SHOC2: variants seen among roughly 807,000 people sequenced by gnomAD.
SHOC2 encodes the protein SHOC2 leucine rich repeat scaffold protein.
A neutral mutation model predicts 50.2 loss-of-function variants in SHOC2; 4 were observed. The observed-to-expected ratio is 0.08, with a 90% confidence interval of 0.04 to 0.18. The LOEUF (loss-of-function observed/expected upper bound fraction) is 0.18, where lower values mean the gene tolerates loss of function less well. Among genes scored for constraint, SHOC2 ranks in the 10% least tolerant of loss-of-function variants. The probability of loss-of-function intolerance (pLI) is 1.00; values close to 1 mark genes in which losing one functional copy is unlikely to be tolerated. For synonymous variants in SHOC2, 218 were observed against 244.5 expected, an observed-to-expected ratio of 0.89 and a Z score of 1.01; for missense variants, 388 against 669.6, an observed-to-expected ratio of 0.58 and a Z score of 4.64.
At chr10:110,973,492 ATTTTC>A (rs1035888797) in intron 2 of SHOC2, among the ~76,000 whole-genome samples, 2 of 151,582 alleles carry the variant, frequency 1.3e-5, no homozygotes, top group African/African-American at 4.9e-5. Flanking sequence ...CTGTAATTTT[ATTTTC>A]TTTTTTAAAA....
intron 2 of SHOC2, among the ~76,000 whole-genome samples, chr10:110,971,055 A>G (rs1383475749): frequency 1.3e-5 from 2 of 152,088 alleles, no homozygotes; most frequent in Non-Finnish European, 2.9e-5. Context: ...TTAGTTTGAA[A>G]TAATTCCATT....
In SHOC2 at chr10:110,964,889, G is replaced by T; in HGVS notation, c.531G>T (p.Arg177=). The T allele has an allele frequency of 6.2e-7, 1 of 1,613,898 alleles. No homozygotes were observed. Among genetic ancestry groups the T allele is most frequent in the South Asian group, 1.1e-5 (1 of 91,080 alleles). The change falls in exon 2 of 9, where the codon CGG becomes CGT. Residue 177 remains arginine, a synonymous_variant. Transcript: ENST00000369452. The surrounding 1 kb of genome is among the most constrained non-coding windows in gnomAD (Gnocchi z 4.9). ...NLKKLRMLDL[R]HNKLREIPSV... ...AGAAGCTGCGGATGCTTGATTTACG[G>T]CATAATAAACTGAGAGAAATTCCTT...
chr10:110,926,615 T>G (rs917053461), intron 1 of SHOC2, among the ~76,000 whole-genome samples: 1 of 152,224 alleles, frequency 6.6e-6, no homozygotes, highest in Non-Finnish European at 1.5e-5. Context: ...TATAGCAACT[T>G]AATGTTATGA....
chr10:111,011,649 A>T lies in SHOC2; in HGVS notation c.1580A>T (p.Asn527Ile). 1 of 1,613,940 alleles carries T rather than the reference A, an allele frequency of 6.2e-7. No individual in the cohort carries two copies. The highest frequency in any genetic ancestry group is 8.5e-7 in the Non-Finnish European group (1 of 1,179,930). Reference protein sequence around the residue: ...ENLEELYLNDNPNLHSLPFEL... With the variant: ...ENLEELYLNDIPNLHSLPFEL... ...CTAGAAGAACTGTATTTGAATGACA[A>T]CCCCAACCTGCATAGCCTTCCCTTT... Residue 527 changes from asparagine (N) to isoleucine (I), a missense_variant, in exon 9 of 9, where the codon AAC becomes ATC. This residue lies in a region of SHOC2 where 130 missense variants were observed against 208.6 expected (regional missense o/e 0.62). Transcript: ENST00000369452.
At position 111,006,853 on chromosome 10, in the gene SHOC2, G is replaced by A. The variant is rs879283485; in HGVS notation, c.1162-678G>A. Among the ~76,000 whole-genome samples, 4 of 152,140 alleles carry A rather than the reference G, an allele frequency of 2.6e-5. 1 individual carries two copies. The highest frequency in any genetic ancestry group is 5.9e-5 in the Non-Finnish European group (4 of 68,024). ...GTGGTACGAGTTGTTATTGATGAAA[G>A]TATACTTTATAAGTGAATAAAAGTG... On this transcript the variant is annotated intron_variant, in intron 5 of 8. Transcript: ENST00000369452.
chr10:110,940,538 C>G lies in SHOC2; in HGVS notation c.-235+20881C>G, dbSNP rs147897146. Among the ~76,000 whole-genome samples the G allele has an allele frequency of 7.2e-5, 11 of 152,146 alleles. No individual in the cohort carries two copies. The East Asian group carries it at 2.1e-3, about 29-fold the overall frequency. On this transcript the variant is annotated intron_variant, in intron 1 of 8. Transcript: ENST00000369452. ...TTTGCATGTATCATGTATGTAAATT[C>G]AATTATTTATAGTTATACAATTTTA... is the stretch of plus-strand genomic sequence containing the variant.
intron 3 of SHOC2, among the ~76,000 whole-genome samples, chr10:110,988,337 C>T (rs1416800708): frequency 6.6e-6 from 1 of 151,982 alleles, no homozygotes; most frequent in African/African-American, 2.4e-5. Context: ...CAGGACTTTT[C>T]TTTATGGGAA....
At chr10:110,959,046 T>C (rs894608056) in intron 1 of SHOC2, among the ~76,000 whole-genome samples, 7 of 152,152 alleles carry the variant, frequency 4.6e-5, no homozygotes, top group Non-Finnish European at 1.0e-4. Flanking sequence ...TATTGTACAT[T>C]TTATATGTTA....
rs1848421405 is a variant in SHOC2, at chr10:111,003,760, C to T, written c.973-846C>T. Among the ~76,000 whole-genome samples, 4 of 152,184 alleles carry T rather than the reference C, an allele frequency of 2.6e-5. No individual in the cohort carries two copies. In the South Asian group the frequency reaches 8.3e-4, roughly 32 times the overall value. Reference sequence around the variant, plus strand: ...CCCAAGAGTCTGCATTTCTCACGAGCTCCCAGGGGATGCTGATATTGCTCT... The same window carrying T: ...CCCAAGAGTCTGCATTTCTCACGAGTTCCCAGGGGATGCTGATATTGCTCT... On this transcript the variant is annotated intron_variant, in intron 4 of 8. Transcript: ENST00000369452.
rs113779015 is a variant in SHOC2, at chr10:111,007,938, T to C, written c.1284+285T>C. ...TCTGTAAAAGCATCTTTTAGAACAA[T>C]TTTTTTCTTTATTCTGTTTAAAAAC... is the stretch of plus-strand genomic sequence containing the variant. On this transcript the variant is annotated intron_variant, in intron 6 of 8. Coordinates refer to ENST00000369452, the MANE Select transcript of SHOC2 (RefSeq NM_007373.4). 2.8e-3 allele frequency among the ~76,000 whole-genome samples: 431 copies of C among 151,916 alleles called. 2 individuals carry two copies. The highest frequency in any genetic ancestry group is 9.2e-3 in the African/African-American group (382 of 41,454).
intron 3 of SHOC2, among the ~76,000 whole-genome samples, chr10:110,999,457 G>C (rs1399900368): frequency 6.6e-6 from 1 of 152,120 alleles, no homozygotes; most frequent in Non-Finnish European, 1.5e-5. Flanking sequence ...AAAATGCTCA[G>C]CTGGGCGCAG....
At position 111,011,593 on chromosome 10, in the gene SHOC2, A is replaced by ATTT; in HGVS notation, c.1541-9_1541-7dup. 6.5e-7 allele frequency: 1 copy of ATTT among 1,539,122 alleles called. No individual in the cohort carries two copies. Among genetic ancestry groups the ATTT allele is most frequent in the Non-Finnish European group, 8.9e-7 (1 of 1,117,624 alleles). ...GCAACTAATTTTTAAAAAAAAATTG[A>ATTT]TTTTTTTTTTAAACAGGTACACTGG... On this transcript the variant is annotated splice_polypyrimidine_tract_variant and intron_variant, in intron 8 of 8. Transcript: ENST00000369452.
intron 2 of SHOC2, 90 bp downstream of exon 2, chr10:110,965,151 G>GC: frequency 1.8e-6 from 2 of 1,114,480 alleles, no homozygotes; most frequent in Non-Finnish European, 2.7e-6. Flanking sequence ...CCTGATACTT[G>GC]CCTAAAAACA....
Position 110,919,666 on chromosome 10 carries a change from G to T in SHOC2, c.-235+9G>T. The stretch of plus-strand genomic sequence containing the variant: ...AGTCGGGGCTCCTGACGGTAACTCG[G>T]GGCCGATGAGGCGGAGGGTGTCTGT... On this transcript the variant is annotated intron_variant, in intron 1 of 8. Transcript: ENST00000369452. 2.5e-6 allele frequency: 1 copy of T among 398,844 alleles called. No individual in the cohort carries two copies. Among genetic ancestry groups the T allele is most frequent in the East Asian group, 3.6e-5 (1 of 28,044 alleles). 24.7% of individuals were successfully genotyped at this position (398,844 alleles called of 1,614,324 possible).
At chr10:110,923,804 C>G (rs1408667091) in intron 1 of SHOC2, among the ~76,000 whole-genome samples, 2 of 152,160 alleles carry the variant, frequency 1.3e-5, no homozygotes, top group African/African-American at 2.4e-5. Context: ...GCATGACTAT[C>G]TTTTGTTGAT....
At chr10:110,975,366 T>C (rs1464396294) in intron 2 of SHOC2, among the ~76,000 whole-genome samples, 4 of 152,020 alleles carry the variant, frequency 2.6e-5, no homozygotes, top group African/African-American at 9.7e-5. Flanking sequence ...CGTGTCTCGA[T>C]CTCCTGACCT....
chr10:110,980,845 A>G (rs1847963285), intron 2 of SHOC2, among the ~76,000 whole-genome samples: 2 of 148,490 alleles, frequency 1.3e-5, no homozygotes, highest in Non-Finnish European at 3.0e-5. Context: ...TCCTTTCCTT[A>G]TGTGTTTTCT....
At position 110,962,394 on chromosome 10, in the gene SHOC2, C is replaced by G. The variant is rs1338728325; in HGVS notation, c.-234-1731C>G. On this transcript the variant is annotated intron_variant, in intron 1 of 8. Transcript: ENST00000369452. ...TAAATGTACTTTCATATTGGCTTAT[C>G]AGCATTATTTTCTGAATCAGTATCT... 5.3e-5 allele frequency among the ~76,000 whole-genome samples: 8 copies of G among 152,220 alleles called. No individual in the cohort carries two copies. The East Asian group carries it at 1.5e-3, about 29-fold the overall frequency.
intron 6 of SHOC2, among the ~76,000 whole-genome samples, 171 bp from the exon 7 acceptor site, chr10:111,009,077 G>C (rs144226053): frequency 6.6e-6 from 1 of 151,846 alleles, no homozygotes; most frequent in Admixed American, 6.6e-5. Context: ...AATAACTATG[G>C]TGTTTTTTTA....
Sources: gnomAD v4.1 joint callset for allele counts (sites outside exome capture counted in the v4.1 genomes callset) on GRCh38, gnomAD v4.1.1 for gene constraint, gnomAD v4.1.1 regional missense constraint, Gnocchi (gnomAD v3.1) non-coding constraint, MANE v1.5 for transcripts, NCBI Gene and HGNC (gene_info 2026-07-23, HGNC 2026-07-21) for gene names.